The following ZNF506 variants were observed in gnomAD, a reference collection of about 807,000 sequenced individuals.
ZNF506 encodes the protein zinc finger protein 506.
In ZNF506, 10 loss-of-function variants were observed where a neutral mutation model predicts 11.6. That is an observed-to-expected ratio of 0.86 (90% CI 0.53 to 1.46). ZNF506 has a LOEUF of 1.46. Ranked by LOEUF, ZNF506 falls within the 40% of genes most tolerant of loss-of-function variation. The probability of loss-of-function intolerance (pLI) is 0.00; values close to 1 mark genes in which losing one functional copy is unlikely to be tolerated. For missense variants in ZNF506, 425 were observed against 521.2 expected (o/e 0.82, Z 1.80); for synonymous variants, 156 against 173.3 (o/e 0.90, Z 0.78).
intron 3 of ZNF506, among the ~76,000 whole-genome samples, chr19:19,805,277 G>A (rs1368007646): frequency 6.6e-6 from 1 of 151,194 alleles, no homozygotes; most frequent in Non-Finnish European, 1.5e-5. Context: ...TAACCAAGGA[G>A]GTAATACAAA....
chr19:19,807,435 A>G (rs2062844102), intron 1 of ZNF506, among the ~76,000 whole-genome samples: 2 of 152,196 alleles, frequency 1.3e-5, no homozygotes, highest in Non-Finnish European at 2.9e-5. Flanking sequence ...TCAAATTTTA[A>G]TATGTACAAT....
intron 1 of ZNF506, among the ~76,000 whole-genome samples, chr19:19,814,101 C>T (rs374278192): frequency 6.6e-6 from 1 of 151,812 alleles, no homozygotes; most frequent in African/African-American, 2.4e-5. Context: ...AGCTGGAGAC[C>T]ATTATTCTTA....
chr19:19,804,240 A>G (rs1211128864), intron 3 of ZNF506, among the ~76,000 whole-genome samples: 1 of 151,996 alleles, frequency 6.6e-6, no homozygotes, highest in African/African-American at 2.4e-5. Context: ...AATTTACAAG[A>G]AAAAAAACAA....
At chr19:19,804,347 G>C (rs1343680061) in intron 3 of ZNF506, among the ~76,000 whole-genome samples, 2 of 152,198 alleles carry the variant, frequency 1.3e-5, no homozygotes, top group Admixed American at 1.3e-4. Context: ...CATCATCACT[G>C]GTCATCAGAG....
intron 1 of ZNF506, among the ~76,000 whole-genome samples, chr19:19,809,864 T>C (rs1434876482): frequency 6.6e-6 from 1 of 152,252 alleles, no homozygotes; most frequent in South Asian, 2.1e-4. Context: ...GAAGCCCTCA[T>C]ACCTGATTCT....
chr19:19,799,441 T>C (rs72620574), intron 3 of ZNF506: 121,308 of 674,648 alleles, frequency 0.18, 12,344 homozygotes, highest in East Asian at 0.39. Flanking sequence ...CATTCCTCTT[T>C]ATAGACCACC....
chr19:19,816,484 A>G (rs2145206253), intron 1 of ZNF506, among the ~76,000 whole-genome samples: 2 of 152,226 alleles, frequency 1.3e-5, no homozygotes, highest in Non-Finnish European at 2.9e-5. Flanking sequence ...CAGCCTCCCC[A>G]GTAGCTGGGA....
chr19:19,816,810 C>CT (rs34297481), intron 1 of ZNF506, among the ~76,000 whole-genome samples: 1,084 of 80,250 alleles, frequency 0.014, 47 homozygotes, highest in African/African-American at 0.021. Context: ...AAAATATTTC[C>CT]TTTTTTTTTT....
In ZNF506 at chr19:19,806,242, C is replaced by G. The variant is rs543827006; in HGVS notation, c.131-116G>C. On this transcript the variant is annotated intron_variant, in intron 2 of 3. Transcript: ENST00000540806. ...ATTCTAGTAAATTAATACTAAAATA[C>G]TAAGTTATAACAGAAATTTTTTTTC... 3 of 733,076 alleles carry G rather than the reference C, an allele frequency of 4.1e-6. No homozygotes were observed. In the Admixed American group the frequency reaches 1.1e-4, roughly 27 times the overall value. 45.4% of individuals were successfully genotyped at this position (733,076 alleles called of 1,614,324 possible). A position where few individuals can be genotyped will look rare whatever the true frequency, so the allele number is the denominator to read the frequency against.
At chr19:19,798,340 C>T (rs930971040) in intron 3 of ZNF506, 1 of 152,000 alleles carries the variant, frequency 6.6e-6, no homozygotes, top group African/African-American at 2.4e-5. Context: ...AGATAATCCC[C>T]CAAGGTACTA....
chr19:19,812,784 A>C (rs150036256), intron 1 of ZNF506, among the ~76,000 whole-genome samples: 232 of 152,350 alleles, frequency 1.5e-3, no homozygotes, highest in African/African-American at 5.4e-3. Context: ...AAAAGCTCAG[A>C]TTAGATATGA....
intron 3 of ZNF506, among the ~76,000 whole-genome samples, chr19:19,804,080 C>G (rs2062816082): frequency 6.6e-6 from 1 of 152,092 alleles, no homozygotes; most frequent in African/African-American, 2.4e-5. Context: ...CCAAAATAGA[C>G]AAATGGGATC....
chr19:19,812,375 C>A (rs1449509844), intron 1 of ZNF506, among the ~76,000 whole-genome samples: 2 of 152,256 alleles, frequency 1.3e-5, no homozygotes, highest in Non-Finnish European at 2.9e-5. Context: ...CCTGGTGGAA[C>A]TCCACAACCT....
chr19:19,814,717 C>A (rs2062915132), intron 1 of ZNF506, among the ~76,000 whole-genome samples: 1 of 151,816 alleles, frequency 6.6e-6, no homozygotes, highest in Non-Finnish European at 1.5e-5. Flanking sequence ...AAAAAAAAAT[C>A]CCTGGGTGGG....
intron 1 of ZNF506, among the ~76,000 whole-genome samples, chr19:19,808,042 A>T (rs1362421704): frequency 6.6e-6 from 1 of 151,780 alleles, no homozygotes; most frequent in Non-Finnish European, 1.5e-5. Context: ...ATACTTAATA[A>T]TAAAAATAAC....
chr19:19,807,537 G>C (rs990263702), intron 1 of ZNF506, among the ~76,000 whole-genome samples: 2 of 151,436 alleles, frequency 1.3e-5, no homozygotes, highest in Non-Finnish European at 2.9e-5. Flanking sequence ...ATGGAGTTTC[G>C]CTCTTGTTGC....
chr19:19,814,739 T>C (rs1392469908), intron 1 of ZNF506, among the ~76,000 whole-genome samples: 1 of 151,014 alleles, frequency 6.6e-6, no homozygotes, highest in Admixed American at 6.6e-5. Flanking sequence ...GAGAGTGCAA[T>C]GTAGGTGAGA....
intron 3 of ZNF506, chr19:19,799,579 A>T: frequency 2.0e-6 from 1 of 490,948 alleles, no homozygotes; most frequent in Non-Finnish European, 3.5e-6. Flanking sequence ...TCAAATATAT[A>T]GAAATGATAC....
chr19:19,817,422 T>A (rs1029677427), intron 1 of ZNF506, among the ~76,000 whole-genome samples: 1 of 133,368 alleles, frequency 7.5e-6, no homozygotes, highest in African/African-American at 3.0e-5. Context: ...GAATTTTTTT[T>A]ACGTAAATCT....
Sources: gnomAD v4.1 joint callset for allele counts (sites outside exome capture counted in the v4.1 genomes callset) on GRCh38, gnomAD v4.1.1 for gene constraint, MANE v1.5 for transcripts, NCBI Gene and HGNC (gene_info 2026-07-23, HGNC 2026-07-21) for gene names.